Variants in ROBO2 observed in about 807,000 individuals in gnomAD.
The protein encoded by ROBO2 is roundabout homolog 2.
Under a neutral mutation model 160.8 loss-of-function variants are expected in ROBO2, and 53 were observed. The observed-to-expected ratio is 0.33, with a 90% CI of 0.26 to 0.41. The LOEUF (loss-of-function observed/expected upper bound fraction) is 0.41, where lower values mean the gene tolerates loss of function less well. Ranked by LOEUF, ROBO2 falls within the 10% of genes least tolerant of loss-of-function variation. The pLI, the probability that ROBO2 is intolerant of heterozygous loss-of-function variation, is 1.00. For synonymous variants in ROBO2, 664 were observed against 611.7 expected, an observed-to-expected ratio of 1.09 and a Z score of -1.26; for missense variants, 1,577 against 1,722.4, an observed-to-expected ratio of 0.92 and a Z score of 1.49.
intron 2 of ROBO2, among the ~76,000 whole-genome samples, chr3:77,204,980 C>T (rs1370928192): frequency 6.6e-6 from 1 of 152,196 alleles, no homozygotes; most frequent in Non-Finnish European, 1.5e-5. Context: ...GGGAGGGGAG[C>T]ACAGACCGGC....
At chr3:76,964,672 A>G (rs1243619491) in intron 2 of ROBO2, among the ~76,000 whole-genome samples, 1 of 152,198 alleles carries the variant, frequency 6.6e-6, no homozygotes, top group Non-Finnish European at 1.5e-5. Context: ...AGTTTGATTC[A>G]ACAACTGATA....
At chr3:76,225,915 C>G (rs1202318519) in intron 2 of ROBO2, among the ~76,000 whole-genome samples, 1 of 152,010 alleles carries the variant, frequency 6.6e-6, no homozygotes, top group Non-Finnish European at 1.5e-5. Context: ...GTTCCAAATT[C>G]TATGATTATG....
intron 2 of ROBO2, among the ~76,000 whole-genome samples, chr3:76,930,723 G>T (rs1256915206): frequency 3.3e-5 from 5 of 152,190 alleles, no homozygotes; most frequent in Non-Finnish European, 7.3e-5. Context: ...AAGAACTCCA[G>T]TGTCAGATGG....
intron 2 of ROBO2, among the ~76,000 whole-genome samples, chr3:75,975,864 A>T (rs1298879223): frequency 6.6e-6 from 1 of 151,620 alleles, no homozygotes; most frequent in East Asian, 2.0e-4. Context: ...AGGAAGTAGT[A>T]TTAATCTGAT....
In ROBO2 at chr3:77,482,490, C is replaced by T. The variant is rs74979576; in HGVS notation, c.667+1271C>T. On this transcript the variant is annotated intron_variant, in intron 4 of 25. Coordinates refer to ENST00000461745, the Ensembl canonical transcript of ROBO2. Reference sequence around the variant, plus strand: ...GGCCTCTCCTTTCAATCATTCTGAGCACCAGGTAATCTCTGGTAACACTCC... The same window carrying T: ...GGCCTCTCCTTTCAATCATTCTGAGTACCAGGTAATCTCTGGTAACACTCC... 4.6e-3 allele frequency among the ~76,000 whole-genome samples: 703 copies of T among 152,290 alleles called. 3 individuals are homozygous for T. Among genetic ancestry groups the T allele is most frequent in the African/African-American group, 0.015 (630 of 41,570 alleles).
At chr3:76,530,174 G>A (rs1343244788) in intron 2 of ROBO2, among the ~76,000 whole-genome samples, 1 of 152,150 alleles carries the variant, frequency 6.6e-6, no homozygotes, top group Non-Finnish European at 1.5e-5. Flanking sequence ...CTTACCCAGC[G>A]TGTACACAGG....
At chr3:77,211,596 A>G (rs1229465707) in intron 2 of ROBO2, among the ~76,000 whole-genome samples, 1 of 152,108 alleles carries the variant, frequency 6.6e-6, no homozygotes, top group Non-Finnish European at 1.5e-5. Context: ...CCATTTGTCA[A>G]TTTTGGCTTT....
intron 2 of ROBO2, among the ~76,000 whole-genome samples, chr3:76,207,010 C>T (rs1463461309): frequency 1.3e-5 from 2 of 151,996 alleles, no homozygotes; most frequent in African/African-American, 4.8e-5. Context: ...TAGATATAAC[C>T]ACTAGAACCA....
intron 2 of ROBO2, among the ~76,000 whole-genome samples, chr3:76,543,439 A>T (rs1028550987): frequency 6.6e-6 from 1 of 152,146 alleles, no homozygotes; most frequent in African/African-American, 2.4e-5. Context: ...CTCACCATTC[A>T]TCCCAAACAA....
chr3:76,954,303 T>A (rs1260979172), intron 2 of ROBO2, among the ~76,000 whole-genome samples: 1 of 152,208 alleles, frequency 6.6e-6, no homozygotes, highest in Non-Finnish European at 1.5e-5. Flanking sequence ...TCTGCCAATA[T>A]TTTAGGATAG....
At chr3:75,956,064 C>G (rs1176160561) in intron 2 of ROBO2, among the ~76,000 whole-genome samples, 1 of 151,776 alleles carries the variant, frequency 6.6e-6, no homozygotes. Context: ...CTTTACATCA[C>G]TGTTGGCACA....
At chr3:77,476,880 T>G (rs2166801) in intron 2 of ROBO2, among the ~76,000 whole-genome samples, 77,379 of 151,964 alleles carry the variant, frequency 0.51, 20,272 homozygotes, top group Admixed American at 0.62. Flanking sequence ...GCTAGTGTGC[T>G]GCAAGGGTGA....
Position 77,617,785 on chromosome 3 carries a change from CA to C in ROBO2, c.3554+13del, listed in dbSNP as rs78824327. 82,214 of 1,611,532 alleles carry C rather than the reference CA, an allele frequency of 0.051. 3,202 individuals are homozygous for C. The highest frequency in any genetic ancestry group is 0.21 in the East Asian group (9,308 of 44,856). On this transcript the variant is annotated intron_variant, in intron 22 of 25. Coordinates refer to ENST00000461745, the Ensembl canonical transcript of ROBO2. ...GCAAAACAAACATGGTAAATATCTT[CA>C]TTAAGTCAAGAGACCCATGCTTTCA... is the stretch of plus-strand genomic sequence containing the variant.
intron 2 of ROBO2, among the ~76,000 whole-genome samples, chr3:77,238,966 C>T (rs781681655): frequency 2.0e-5 from 3 of 152,206 alleles, no homozygotes; most frequent in Non-Finnish European, 2.9e-5. Flanking sequence ...GTTCCAGGAC[C>T]GCCCACCTCC....
chr3:76,623,122 A>G (rs975613614), intron 2 of ROBO2, among the ~76,000 whole-genome samples: 1 of 152,190 alleles, frequency 6.6e-6, no homozygotes, highest in Non-Finnish European at 1.5e-5. Flanking sequence ...GCTCCCATAC[A>G]CTTGCGACTG....
chr3:75,969,525 C>G (rs1199239564), intron 2 of ROBO2, among the ~76,000 whole-genome samples: 1 of 151,546 alleles, frequency 6.6e-6, no homozygotes, highest in Non-Finnish European at 1.5e-5. Context: ...AGTTTACTTT[C>G]CCACCAACAG....
At chr3:76,412,492 A>G (rs2075541495) in intron 2 of ROBO2, among the ~76,000 whole-genome samples, 1 of 152,190 alleles carries the variant, frequency 6.6e-6, no homozygotes, top group Non-Finnish European at 1.5e-5. Flanking sequence ...GAGCTTGTAA[A>G]ATCAAAAGCC....
intron 24 of ROBO2, among the ~76,000 whole-genome samples, chr3:77,640,204 C>G (rs1480816682): frequency 7.1e-6 from 1 of 140,026 alleles, no homozygotes; most frequent in South Asian, 2.4e-4. Flanking sequence ...ATCCGCCTCC[C>G]GGGTTCACGC....
chr3:77,395,603 A>T (rs1166882072), intron 2 of ROBO2, among the ~76,000 whole-genome samples: 1 of 152,138 alleles, frequency 6.6e-6, no homozygotes, highest in Admixed American at 6.6e-5. Flanking sequence ...TAATTAGTCA[A>T]CTCAACAAGT....
Sources: allele counts gnomAD v4.1 joint callset (sites outside exome capture counted in the v4.1 genomes callset), GRCh38; gene constraint gnomAD v4.1.1; transcripts MANE v1.5; gene names NCBI Gene and HGNC (gene_info 2026-07-23, HGNC 2026-07-21).